The following NCBP3 variants were observed in gnomAD, a reference collection of about 807,000 sequenced individuals.
NCBP3 encodes nuclear cap binding subunit 3, also known as nuclear cap-binding protein subunit 3.
NCBP3 carries 20 observed loss-of-function variants against 75.7 expected under a neutral mutation model. That is an observed-to-expected ratio of 0.26 (90% CI 0.19 to 0.38). The LOEUF (loss-of-function observed/expected upper bound fraction) is 0.38. Among genes scored for constraint, NCBP3 ranks in the 10% least tolerant of loss-of-function variants. The probability of loss-of-function intolerance (pLI) is 1.00; values close to 1 mark genes in which losing one functional copy is unlikely to be tolerated. For synonymous variants in NCBP3, 293 were observed against 290.5 expected (o/e 1.01, Z -0.09); for missense variants, 678 against 796.9 (o/e 0.85, Z 1.80).
rs2053314796 is a variant in NCBP3, at chr17:3,804,355, T to C, written c.*8689A>G. ...TGAGTTCAGGAGTTTGAGACCAGCC[T>C]GGGCAACATGGTGAAACCCTGTCTT... is the stretch of plus-strand genomic sequence containing the variant. On this transcript the variant is annotated 3_prime_UTR_variant, in exon 13 of 13. Coordinates refer to ENST00000389005, the MANE Select transcript of NCBP3 (RefSeq NM_001114118.3). 6.6e-6 allele frequency: 1 copy of C among 151,948 alleles called. No individual in the cohort carries two copies. The highest frequency in any genetic ancestry group is 1.5e-5 in the Non-Finnish European group (1 of 67,992). The allele number at this position is 151,948 out of a possible 1,614,324, so 9.4% of individuals were successfully genotyped here.
At chr17:3,834,418 G>A (rs959379390) in intron 3 of NCBP3, among the ~76,000 whole-genome samples, 1 of 152,238 alleles carries the variant, frequency 6.6e-6, no homozygotes, top group African/African-American at 2.4e-5. Flanking sequence ...TGGTGAGCAT[G>A]AACTGTTTGT....
At chr17:3,844,891 G>A (rs965602883) in intron 1 of NCBP3, among the ~76,000 whole-genome samples, 3 of 152,306 alleles carry the variant, frequency 2.0e-5, no homozygotes, top group East Asian at 1.9e-4. Context: ...CCGAGATCGC[G>A]CCATTGCGTT....
chr17:3,824,690 T>A, intron 7 of NCBP3: 1 of 237,502 alleles, frequency 4.2e-6, no homozygotes, highest in Non-Finnish European at 8.1e-6. Flanking sequence ...TGAAAATATA[T>A]GAGGCAAACC....
Position 3,829,223 on chromosome 17 carries a change from G to A in NCBP3, c.481+20C>T, listed in dbSNP as rs935964407. On this transcript the variant is annotated intron_variant, in intron 4 of 12. Transcript: ENST00000389005. Reference sequence around the variant, plus strand: ...AATCATCAACAAAAGCATATTCACAGGAAACTCGGGTGTACTTACAGGAGG... The same window carrying A: ...AATCATCAACAAAAGCATATTCACAAGAAACTCGGGTGTACTTACAGGAGG... 2.6e-6 allele frequency: 4 copies of A among 1,549,982 alleles called. No homozygotes were observed. The highest frequency in any genetic ancestry group is 2.0e-5 in the Admixed American group (1 of 50,570).
chr17:3,818,391 G>A lies in NCBP3; in HGVS notation c.1182C>T (p.Ala394=), dbSNP rs1214329887. 2 of 1,614,158 alleles carry A rather than the reference G, an allele frequency of 1.2e-6. No homozygotes were observed. Among genetic ancestry groups the A allele is most frequent in the Non-Finnish European group, 1.7e-6 (2 of 1,180,026 alleles). The stretch of plus-strand genomic sequence containing the variant: ...CCATTTCATCTGAGTCTGAGCTGCT[G>A]GCACTGGATCGTCTAGACGCGCTCC... The part of the protein sequence containing the change: ...RERSASRRSS[A]SSSDSDEMDY... Residue 394 remains alanine, a synonymous_variant, in exon 10 of 13, where the codon GCC becomes GCT. Transcript: ENST00000389005. This position sits in a 1 kb window ranked among gnomAD's most constrained non-coding sequence, Gnocchi z 4.7.
At position 3,843,165 on chromosome 17, in the gene NCBP3, G is replaced by T. The variant is rs544547972; in HGVS notation, c.184-14C>A. ...TCTGCTCGTGTCCTAACACAAAGGG[G>T]AAGGGTGAGAAATTCAGACAGCAAT... is the stretch of plus-strand genomic sequence containing the variant. On this transcript the variant is annotated splice_polypyrimidine_tract_variant and intron_variant, in intron 1 of 12. Transcript: ENST00000389005. 12 of 1,550,226 alleles carry T rather than the reference G, an allele frequency of 7.7e-6. No homozygotes were observed. In the African/African-American group the frequency reaches 1.5e-4, roughly 19 times the overall value.
chr17:3,818,288 C>G lies in NCBP3; in HGVS notation c.1285G>C (p.Val429Leu). 1 of 1,589,418 alleles carries G rather than the reference C, an allele frequency of 6.3e-7. No homozygotes were observed. The highest frequency in any genetic ancestry group is 8.6e-7 in the Non-Finnish European group (1 of 1,168,010). The stretch of plus-strand genomic sequence containing the variant: ...CTAATATTTTTCAACTGAGATTCCA[C>G]TTCGTCAGCATACATAGTCATTTTC... ...SMKMTMYADE[V>L]ESQLKNIRNS... The change falls in exon 10 of 13, where the codon GTG becomes CTG. Residue 429 changes from valine (V) to leucine (L), a missense_variant. Coordinates refer to ENST00000389005, the MANE Select transcript of NCBP3 (RefSeq NM_001114118.3). The surrounding 1 kb of genome is among the most constrained non-coding windows in gnomAD (Gnocchi z 4.7).
chr17:3,842,634 G>A (rs1393075922), intron 2 of NCBP3, among the ~76,000 whole-genome samples: 2 of 152,132 alleles, frequency 1.3e-5, no homozygotes, highest in Non-Finnish European at 2.9e-5. Flanking sequence ...TGCCTGTACC[G>A]TTTCAGGATG....
At chr17:3,816,981 C>G (rs1022772659) in intron 10 of NCBP3, among the ~76,000 whole-genome samples, 5 of 151,762 alleles carry the variant, frequency 3.3e-5, no homozygotes, top group African/African-American at 1.2e-4. Flanking sequence ...GAGCCGAGAT[C>G]GTGTTATCGC....
At chr17:3,821,217 T>C (rs1567585041) in intron 9 of NCBP3, 32 bp downstream of exon 9, 5 of 1,466,934 alleles carry the variant, frequency 3.4e-6, no homozygotes, top group Non-Finnish European at 3.8e-6. Flanking sequence ...GAGCCAAACA[T>C]GTGTCTACCC....
chr17:3,843,107 A>G lies in NCBP3; in HGVS notation c.228T>C (p.Thr76=), dbSNP rs1163914319. The change falls in exon 2 of 13, where the codon ACT becomes ACC. Residue 76 remains threonine (T), a synonymous_variant. Coordinates refer to ENST00000389005, the MANE Select transcript of NCBP3 (RefSeq NM_001114118.3). ...TTACCTTGGAGGTGACATCAATTCC[A>G]GTGATGAAGCTGCCAGCCTTGTTTT... The part of the protein sequence containing the change: ...RYENKAGSFI[T]GIDVTSKEAI... 4 of 1,551,510 alleles carry G rather than the reference A, an allele frequency of 2.6e-6. No homozygotes were observed. The highest frequency in any genetic ancestry group is 2.6e-6 in the Non-Finnish European group (3 of 1,146,912).
chr17:3,814,938 A>C (rs536516030), intron 11 of NCBP3, among the ~76,000 whole-genome samples: 1 of 152,292 alleles, frequency 6.6e-6, no homozygotes, highest in African/African-American at 2.4e-5. Flanking sequence ...CAATCCCCCC[A>C]GAAATCGGCC....
intron 3 of NCBP3, among the ~76,000 whole-genome samples, chr17:3,832,990 G>A (rs1011128005): frequency 7.9e-5 from 12 of 151,912 alleles, no homozygotes; most frequent in East Asian, 7.8e-4. Context: ...TGGCTCATGC[G>A]TGTAATCCCA....
At chr17:3,833,738 T>G (rs1425905544) in intron 3 of NCBP3, among the ~76,000 whole-genome samples, 1 of 152,226 alleles carries the variant, frequency 6.6e-6, no homozygotes. Context: ...ATGTAGGTTT[T>G]TTTAATGTTG....
chr17:3,822,569 T>TA (rs1172511383), intron 7 of NCBP3: 1 of 152,562 alleles, frequency 6.6e-6, no homozygotes, highest in Admixed American at 6.5e-5. Context: ...AGCATAATAC[T>TA]ATACATGTAG....
At chr17:3,823,090 G>T (rs1033006445) in intron 7 of NCBP3, among the ~76,000 whole-genome samples, 2 of 152,190 alleles carry the variant, frequency 1.3e-5, no homozygotes, top group Admixed American at 6.5e-5. Context: ...GAGGCGGGCG[G>T]ATCACAAGGT....
intron 3 of NCBP3, among the ~76,000 whole-genome samples, chr17:3,830,266 C>T: frequency 6.6e-6 from 1 of 152,132 alleles, no homozygotes; most frequent in East Asian, 1.9e-4. Context: ...TTTGCTAAGG[C>T]ACGATTTCTA....
At chr17:3,836,377 G>T (rs924729723) in intron 3 of NCBP3, among the ~76,000 whole-genome samples, 6 of 152,112 alleles carry the variant, frequency 3.9e-5, no homozygotes, top group Admixed American at 3.9e-4. Context: ...GTCATTGGCC[G>T]GGCGCAGTGG....
At chr17:3,819,977 A>G (rs2053631874) in intron 9 of NCBP3, among the ~76,000 whole-genome samples, 1 of 152,142 alleles carries the variant, frequency 6.6e-6, no homozygotes, top group African/African-American at 2.4e-5. Flanking sequence ...TTTTGAGACA[A>G]AGTCTTGCTC....
Sources: allele counts gnomAD v4.1 joint callset (sites outside exome capture counted in the v4.1 genomes callset), GRCh38; gene constraint gnomAD v4.1.1; non-coding constraint Gnocchi (gnomAD v3.1); transcripts MANE v1.5; gene names NCBI Gene and HGNC (gene_info 2026-07-23, HGNC 2026-07-21).